Variants in ZC3H7B observed in about 807,000 individuals in gnomAD.
The protein encoded by ZC3H7B is zinc finger CCCH domain-containing protein 7B.
In ZC3H7B, 35 loss-of-function variants were observed where a neutral mutation model predicts 116.0. The observed-to-expected ratio is 0.30, with a 90% CI of 0.23 to 0.40. The LOEUF (loss-of-function observed/expected upper bound fraction) is 0.40. ZC3H7B is among the 10% of genes least tolerant of loss of function. The probability of loss-of-function intolerance (pLI) is 1.00; values close to 1 mark genes in which losing one functional copy is unlikely to be tolerated. For synonymous variants in ZC3H7B, 502 were observed against 545.6 expected (o/e 0.92, Z 1.11); for missense variants, 1,011 against 1,321.5 (o/e 0.77, Z 3.64).
intron 5 of ZC3H7B, among the ~76,000 whole-genome samples, chr22:41,329,645 C>T (rs955823322): frequency 6.6e-6 from 1 of 152,168 alleles, no homozygotes; most frequent in African/African-American, 2.4e-5. Context: ...GAGTGTGATT[C>T]CCTCCTGGAG....
At chr22:41,331,314 G>C (rs1437496551) in intron 6 of ZC3H7B, among the ~76,000 whole-genome samples, 1 of 150,420 alleles carries the variant, frequency 6.6e-6, no homozygotes, top group Non-Finnish European at 1.5e-5. Context: ...ACTTTGGGAG[G>C]CCGCGGTGGG....
chr22:41,317,273 C>G (rs2036197207), intron 1 of ZC3H7B, among the ~76,000 whole-genome samples: 1 of 152,202 alleles, frequency 6.6e-6, no homozygotes. Context: ...GCCACCGTGC[C>G]CGGCCAGAAA....
chr22:41,331,487 G>A (rs141046539), intron 6 of ZC3H7B, among the ~76,000 whole-genome samples: 2,747 of 150,018 alleles, frequency 0.018, 87 homozygotes, highest in African/African-American at 0.064. Flanking sequence ...CCCAGGAGGC[G>A]GGACTTGCAG....
intron 1 of ZC3H7B, among the ~76,000 whole-genome samples, chr22:41,313,149 C>T (rs2036138377): frequency 6.6e-6 from 1 of 150,948 alleles, no homozygotes; most frequent in Non-Finnish European, 1.5e-5. Flanking sequence ...GACGGAGTCT[C>T]GCTGTGTCGC....
intron 1 of ZC3H7B, among the ~76,000 whole-genome samples, chr22:41,307,403 C>T (rs2036058365): frequency 6.6e-6 from 1 of 152,126 alleles, no homozygotes; most frequent in South Asian, 2.1e-4. Context: ...TCTTTGCAGG[C>T]ATGTTGGTTG....
chr22:41,303,152 A>G (rs867171222), intron 1 of ZC3H7B, among the ~76,000 whole-genome samples: 1 of 152,138 alleles, frequency 6.6e-6, no homozygotes, highest in African/African-American at 2.4e-5. Flanking sequence ...TCCACCTCCC[A>G]CAGAAGTTGG....
At chr22:41,342,043 CAA>C (rs1223280076) in intron 11 of ZC3H7B, among the ~76,000 whole-genome samples, 1 of 144,480 alleles carries the variant, frequency 6.9e-6, no homozygotes, top group Non-Finnish European at 1.5e-5. Flanking sequence ...GCCTGGGCAA[CAA>C]GAGCAAAACT....
intron 11 of ZC3H7B, 71 bp from the exon 12 acceptor site, chr22:41,342,458 G>C (rs2036534319): frequency 2.0e-6 from 3 of 1,479,372 alleles, no homozygotes; most frequent in Non-Finnish European, 2.8e-6. Context: ...CCCACTTCTG[G>C]TGCCCTGGCT....
chr22:41,320,769 G>T, intron 2 of ZC3H7B, 56 bp downstream of exon 2: 2 of 1,600,258 alleles, frequency 1.2e-6, no homozygotes, highest in South Asian at 1.1e-5. Flanking sequence ...TGGGTTCTCT[G>T]AGAGCCATGC....
At chr22:41,320,477 TG>T (rs994065084) in intron 1 of ZC3H7B, among the ~76,000 whole-genome samples, 177 bp from the exon 2 acceptor site, 1 of 151,424 alleles carries the variant, frequency 6.6e-6, no homozygotes, top group African/African-American at 2.4e-5. Context: ...CAGGGGGCCA[TG>T]GGGGTGGAGG....
rs552564037 is a variant in ZC3H7B at position 41,338,728 on chromosome 22, G to A, written c.626-273G>A. On this transcript the variant is annotated intron_variant, in intron 8 of 22. Transcript: ENST00000352645. The surrounding 1 kb of genome is among the most constrained non-coding windows in gnomAD (Gnocchi z 4.5). ...GGAGAGGGCATTGCTTACCCCAGAA[G>A]AAGGAGGCAGCAGTGGTGGACATTT... Among the ~76,000 whole-genome samples, 10 of 152,248 alleles carry A rather than the reference G, an allele frequency of 6.6e-5. No homozygotes were observed. In the South Asian group the frequency reaches 1.9e-3, roughly 28 times the overall value.
chr22:41,323,828 T>C (rs1324866749), intron 2 of ZC3H7B, among the ~76,000 whole-genome samples: 1 of 152,124 alleles, frequency 6.6e-6, no homozygotes, highest in East Asian at 1.9e-4. Context: ...CCCAGCACTT[T>C]GGGAGGCCAA....
intron 1 of ZC3H7B, among the ~76,000 whole-genome samples, chr22:41,319,229 C>A (rs549144481): frequency 2.2e-4 from 33 of 151,990 alleles, no homozygotes; most frequent in Middle Eastern, 3.4e-3. Flanking sequence ...GTGAAACCCC[C>A]TCTCTACTAA....
At position 41,325,617 on chromosome 22, in the gene ZC3H7B, C is replaced by T. The variant is rs748153273; in HGVS notation, c.87+20C>T. 9.3e-6 allele frequency: 15 copies of T among 1,611,516 alleles called. No homozygotes were observed. The South Asian group carries it at 1.5e-4, about 17-fold the overall frequency. ...TATGAGGTGAGTGTCAGCTGCCAGG[C>T]TGAGCAAAGGTGAAGGGCGGAGATG... On this transcript the variant is annotated intron_variant, in intron 3 of 22. Transcript: ENST00000352645.
At chr22:41,325,071 C>T (rs576633605) in intron 2 of ZC3H7B, among the ~76,000 whole-genome samples, 1 of 152,336 alleles carries the variant, frequency 6.6e-6, no homozygotes, top group African/African-American at 2.4e-5. Context: ...CTCCCTCCTT[C>T]CCCTCATGTA....
chr22:41,305,806 G>C (rs2036034095), intron 1 of ZC3H7B, among the ~76,000 whole-genome samples: 1 of 152,122 alleles, frequency 6.6e-6, no homozygotes, highest in Non-Finnish European at 1.5e-5. Flanking sequence ...AGATAGATAT[G>C]GACCATTAAT....
chr22:41,314,377 G>A (rs959467478), intron 1 of ZC3H7B, among the ~76,000 whole-genome samples: 17 of 151,274 alleles, frequency 1.1e-4, no homozygotes, highest in Admixed American at 6.6e-4. Context: ...GGCTGGTCTC[G>A]AACTCCTGAC....
chr22:41,320,381 G>A (rs1278432059), intron 1 of ZC3H7B, among the ~76,000 whole-genome samples: 4 of 151,560 alleles, frequency 2.6e-5, no homozygotes, highest in Non-Finnish European at 4.4e-5. Flanking sequence ...GTGTCCATAC[G>A]GTATTGTAGC....
At chr22:41,329,170 A>G (rs2036351956) in intron 5 of ZC3H7B, among the ~76,000 whole-genome samples, 1 of 149,106 alleles carries the variant, frequency 6.7e-6, no homozygotes, top group Admixed American at 6.7e-5. Flanking sequence ...GCGCCACTGC[A>G]CTCCACCCTG....
Sources: gnomAD v4.1 joint callset for allele counts (sites outside exome capture counted in the v4.1 genomes callset) on GRCh38, gnomAD v4.1.1 for gene constraint, Gnocchi (gnomAD v3.1) non-coding constraint, MANE v1.5 for transcripts, NCBI Gene and HGNC (gene_info 2026-07-23, HGNC 2026-07-21) for gene names.